Variants in GPC6 observed in about 807,000 individuals in gnomAD.
GPC6 encodes glypican 6, also known as glypican-6.
Under a neutral mutation model 55.2 loss-of-function variants are expected in GPC6, and 14 were observed. The observed-to-expected ratio is 0.25, with a 90% CI of 0.17 to 0.40. The LOEUF (loss-of-function observed/expected upper bound fraction) is 0.40, where lower values mean the gene tolerates loss of function less well. Among genes scored for constraint, GPC6 ranks in the 10% least tolerant of loss-of-function variants. The probability of loss-of-function intolerance (pLI) is 1.00; values close to 1 mark genes in which losing one functional copy is unlikely to be tolerated. For missense variants in GPC6, 641 were observed against 708.5 expected (o/e 0.90, Z 1.08); for synonymous variants, 278 against 259.6 (o/e 1.07, Z -0.68).
intron 1 of GPC6, among the ~76,000 whole-genome samples, chr13:93,467,712 G>A (rs771689771): frequency 6.7e-6 from 1 of 149,896 alleles, no homozygotes; most frequent in Non-Finnish European, 1.5e-5. Flanking sequence ...AGCCTCCTAA[G>A]TTGTTGGGAC....
intron 2 of GPC6, among the ~76,000 whole-genome samples, chr13:93,594,238 G>A (rs1030467031): frequency 4.0e-5 from 6 of 151,712 alleles, no homozygotes; most frequent in African/African-American, 1.5e-4. Flanking sequence ...TGTTATGGGG[G>A]TTTGTTGTAC....
chr13:94,109,230 G>T (rs1371157737), intron 4 of GPC6, among the ~76,000 whole-genome samples: 1 of 152,204 alleles, frequency 6.6e-6, no homozygotes, highest in Non-Finnish European at 1.5e-5. Context: ...CAGTGGATGG[G>T]TGCTATGGCA....
rs139097539 is a variant in GPC6 at position 93,972,586 on chromosome 13, CCA to C, written c.712-55142_712-55141del. On this transcript the variant is annotated intron_variant, in intron 3 of 8. Transcript: ENST00000377047. ...AGGTAATGTCTCTAAGAGCACGAAT[CCA>C]GAGTAGACAGTTACTGTGAGTTCTC... 9.1e-3 allele frequency among the ~76,000 whole-genome samples: 1,379 copies of C among 152,182 alleles called. 22 individuals are homozygous for C. The highest frequency in any genetic ancestry group is 0.031 in the African/African-American group (1,308 of 41,524).
upstream of GPC6, among the ~76,000 whole-genome samples, chr13:93,224,799 T>C (rs1424364957): frequency 6.6e-6 from 1 of 152,146 alleles, no homozygotes; most frequent in Non-Finnish European, 1.5e-5. Flanking sequence ...CCAGGCAGGG[T>C]TAAGGTCACC....
intron 3 of GPC6, among the ~76,000 whole-genome samples, chr13:93,952,166 A>C (rs2140373674): frequency 6.6e-6 from 1 of 152,210 alleles, no homozygotes; most frequent in South Asian, 2.1e-4. Flanking sequence ...GGAGGAAGGA[A>C]GTTAGAGAAG....
At chr13:93,384,517 T>C (rs988840934) in intron 1 of GPC6, among the ~76,000 whole-genome samples, 2 of 152,132 alleles carry the variant, frequency 1.3e-5, no homozygotes, top group Admixed American at 1.3e-4. Flanking sequence ...AAGTGGAGAA[T>C]ATGAGGTGAA....
At position 93,694,615 on chromosome 13, in the gene GPC6, C is replaced by A. The variant is rs138592336; in HGVS notation, c.320-135539C>A. Among the ~76,000 whole-genome samples the A allele has an allele frequency of 7.3e-4, 111 of 152,230 alleles. 1 individual carries two copies. Among genetic ancestry groups the A allele is most frequent in the Non-Finnish European group, 1.4e-3 (96 of 68,012 alleles). ...TCCAAGACTGACCAATGTGATTAAA[C>A]CGAGTTACACATCACTGGTGGCCTT... On this transcript the variant is annotated intron_variant, in intron 2 of 8. Transcript: ENST00000377047.
rs371042101 is a variant in GPC6, at chr13:93,471,436, A to G, written c.161-73827A>G. Reference sequence around the variant, plus strand: ...TCCCAGCTACTTGAGAGGCTGAGGCAGGAGAATGGCATGAACCTGGGAGGC... The same window carrying G: ...TCCCAGCTACTTGAGAGGCTGAGGCGGGAGAATGGCATGAACCTGGGAGGC... On this transcript the variant is annotated intron_variant, in intron 1 of 8. Transcript: ENST00000377047. Among the ~76,000 whole-genome samples the G allele has an allele frequency of 3.8e-4, 58 of 151,826 alleles. No individual in the cohort carries two copies. The South Asian group carries it at 7.1e-3, about 19-fold the overall frequency.
chr13:93,794,016 A>G (rs907726550), intron 2 of GPC6, among the ~76,000 whole-genome samples: 2 of 152,174 alleles, frequency 1.3e-5, no homozygotes, highest in Admixed American at 1.3e-4. Flanking sequence ...TTGCTTTGAC[A>G]TAGGGATTAT....
intron 1 of GPC6, among the ~76,000 whole-genome samples, chr13:93,336,109 T>C (rs1253873283): frequency 6.6e-6 from 1 of 152,256 alleles, no homozygotes; most frequent in Non-Finnish European, 1.5e-5. Flanking sequence ...TAACACTGTT[T>C]ATCAACAGAT....
At position 93,332,186 on chromosome 13, in the gene GPC6, C is replaced by T. The variant is rs565740471; in HGVS notation, c.160+104570C>T. Among the ~76,000 whole-genome samples the T allele has an allele frequency of 4.0e-5, 6 of 151,816 alleles. No individual in the cohort carries two copies. In the South Asian group the frequency reaches 1.2e-3, roughly 32 times the overall value. ...AAACATGGGAATGCAGATATTTCTT[C>T]AACAGGTGGATTTCCTTTCTTTTGG... On this transcript the variant is annotated intron_variant, in intron 1 of 8. Transcript: ENST00000377047.
chr13:93,369,037 GA>G (rs1949202049), intron 1 of GPC6, among the ~76,000 whole-genome samples: 1 of 152,018 alleles, frequency 6.6e-6, no homozygotes, highest in Non-Finnish European at 1.5e-5. Context: ...GCTGAGTGGT[GA>G]TAGAAGTGCC....
At chr13:93,329,183 A>C (rs889979644) in intron 1 of GPC6, among the ~76,000 whole-genome samples, 7 of 152,166 alleles carry the variant, frequency 4.6e-5, no homozygotes, top group Non-Finnish European at 1.0e-4. Context: ...GCCCCAGAGA[A>C]ACTCAGGCAC....
chr13:93,242,518 C>T (rs1566538021), intron 1 of GPC6, among the ~76,000 whole-genome samples: 1 of 152,174 alleles, frequency 6.6e-6, no homozygotes, highest in Non-Finnish European at 1.5e-5. Context: ...TACAGATGCA[C>T]CCAAGCCAAG....
intron 2 of GPC6, among the ~76,000 whole-genome samples, chr13:93,590,231 C>A (rs566822873): frequency 6.6e-6 from 1 of 152,086 alleles, no homozygotes; most frequent in African/African-American, 2.4e-5. Context: ...GTGAGTTTTC[C>A]ATTAATAGTT....
chr13:93,256,485 A>G (rs902696039), intron 1 of GPC6, among the ~76,000 whole-genome samples: 2 of 152,142 alleles, frequency 1.3e-5, no homozygotes, highest in East Asian at 3.9e-4. Context: ...ATATTTGATT[A>G]GTCTTCCCTT....
intron 4 of GPC6, among the ~76,000 whole-genome samples, chr13:94,187,552 C>G (rs190735871): frequency 4.1e-4 from 62 of 152,200 alleles, no homozygotes; most frequent in Admixed American, 4.1e-3. Context: ...AATCCAACAT[C>G]CCCCAAATTT....
intron 1 of GPC6, among the ~76,000 whole-genome samples, chr13:93,307,256 G>A (rs2139102828): frequency 6.6e-6 from 1 of 152,178 alleles, no homozygotes; most frequent in African/African-American, 2.4e-5. Flanking sequence ...ATAGCCATAT[G>A]TGTGCCTAAT....
chr13:93,329,059 G>C (rs79184553), intron 1 of GPC6, among the ~76,000 whole-genome samples: 4,905 of 152,182 alleles, frequency 0.032, 275 homozygotes, highest in African/African-American at 0.11. Context: ...ATTATCTTGA[G>C]TAAAATCATC....
Sources: gnomAD v4.1 joint callset for allele counts (sites outside exome capture counted in the v4.1 genomes callset) on GRCh38, gnomAD v4.1.1 for gene constraint, MANE v1.5 for transcripts, NCBI Gene and HGNC (gene_info 2026-07-23, HGNC 2026-07-21) for gene names.